Variants in POLA1 observed in about 807,000 individuals in gnomAD.
POLA1 encodes DNA polymerase alpha 1, catalytic subunit.
POLA1 carries 15 observed loss-of-function variants against 124.0 expected under a neutral mutation model. That is an observed-to-expected ratio of 0.12 (90% CI 0.08 to 0.19). The LOEUF is 0.19. Ranked by LOEUF, POLA1 falls within the 10% of genes least tolerant of loss-of-function variation. POLA1 has a pLI of 1.00. For synonymous variants in POLA1, 408 were observed against 389.4 expected (o/e 1.05, Z -0.56); for missense variants, 886 against 1,103.4 (o/e 0.80, Z 2.79).
intron 4 of POLA1, among the ~76,000 whole-genome samples, chrX:24,708,531 G>A (rs1249411526): frequency 1.5e-5 from 1 of 65,154 alleles, no homozygotes; most frequent in Admixed American, 1.9e-4. Context: ...AGGACCCTGC[G>A]GCCTTCCGCA....
intron 35 of POLA1, among the ~76,000 whole-genome samples, chrX:24,919,845 GTT>G (rs10573475): frequency 4.6e-4 from 16 of 34,783 alleles, no homozygotes; most frequent in African/African-American, 1.4e-3. Flanking sequence ...TTGTTTTTCT[GTT>G]TTTTTTTTTT....
intron 36 of POLA1, among the ~76,000 whole-genome samples, chrX:24,936,353 G>T (rs936950409): frequency 8.9e-6 from 1 of 111,927 alleles, no homozygotes; most frequent in Non-Finnish European, 1.9e-5. Flanking sequence ...GTGAAAGCAG[G>T]AAAGTTTCAT....
intron 36 of POLA1, among the ~76,000 whole-genome samples, chrX:24,946,873 T>C (rs907932804): frequency 1.8e-5 from 2 of 112,120 alleles, no homozygotes; most frequent in Non-Finnish European, 3.8e-5. Flanking sequence ...TTTCCTATTA[T>C]GTCCTTCAAC....
At chrX:24,708,372 C>CT (rs397799733) in intron 4 of POLA1, among the ~76,000 whole-genome samples, 35,410 of 79,841 alleles carry the variant, frequency 0.44, 7,534 homozygotes, top group East Asian at 0.64. Context: ...CATGAAAATA[C>CT]TTTTTTTTTT....
intron 17 of POLA1, among the ~76,000 whole-genome samples, chrX:24,735,034 A>T (rs1201621628): frequency 1.8e-5 from 2 of 112,338 alleles, no homozygotes; most frequent in East Asian, 5.5e-4. Context: ...AAATACATAA[A>T]CAGTGAAGTC....
intron 10 of POLA1, among the ~76,000 whole-genome samples, 181 bp from the exon 11 acceptor site, chrX:24,722,974 A>T (rs1307023073): frequency 8.9e-6 from 1 of 112,553 alleles, no homozygotes; most frequent in African/African-American, 3.2e-5. Flanking sequence ...TTAGTGTAGT[A>T]TGGCATCAGT....
chrX:24,870,396 G>A (rs1206526619), intron 34 of POLA1, among the ~76,000 whole-genome samples: 2 of 111,805 alleles, frequency 1.8e-5, no homozygotes, highest in Non-Finnish European at 3.8e-5. Flanking sequence ...ATCCTGTTAC[G>A]AGTGGCTTTC....
chrX:24,991,614 G>A (rs986173542), intron 36 of POLA1, among the ~76,000 whole-genome samples: 2 of 112,509 alleles, frequency 1.8e-5, no homozygotes, highest in Non-Finnish European at 3.8e-5. Flanking sequence ...GCAAGCCTGT[G>A]TTTATTGAAC....
intron 36 of POLA1, among the ~76,000 whole-genome samples, chrX:24,932,645 G>A (rs1464938362): frequency 9.0e-6 from 1 of 111,185 alleles, no homozygotes; most frequent in Non-Finnish European, 1.9e-5. Context: ...GTTATCGATG[G>A]GTTCTTTTAT....
intron 35 of POLA1, among the ~76,000 whole-genome samples, chrX:24,920,707 A>G (rs1393827658): frequency 8.9e-6 from 1 of 111,908 alleles, no homozygotes; most frequent in Non-Finnish European, 1.9e-5. Context: ...AAATGAGGAT[A>G]ATCAGAATAG....
chrX:24,778,246 A>AT (rs1382891720), intron 26 of POLA1, among the ~76,000 whole-genome samples: 22 of 108,186 alleles, frequency 2.0e-4, no homozygotes, highest in East Asian at 5.8e-4. Context: ...TTGCTACTTG[A>AT]TTTTTTTTTT....
At chrX:24,833,961 T>A (rs2046304616) in intron 32 of POLA1, among the ~76,000 whole-genome samples, 1 of 110,261 alleles carries the variant, frequency 9.1e-6, no homozygotes, top group Non-Finnish European at 1.9e-5. Flanking sequence ...GGTGCATGCC[T>A]GTAGTCCCAG....
chrX:24,906,113 A>G (rs764183791), intron 35 of POLA1, among the ~76,000 whole-genome samples: 2 of 112,157 alleles, frequency 1.8e-5, no homozygotes, highest in South Asian at 7.5e-4. Context: ...TCCTTAAAGA[A>G]CTAAAAGTAT....
chrX:24,892,148 A>ATC (rs1415770038), intron 35 of POLA1, among the ~76,000 whole-genome samples: 2 of 109,738 alleles, frequency 1.8e-5, no homozygotes, highest in Middle Eastern at 4.2e-3. Context: ...TTTCATTCAT[A>ATC]TATATATATA....
At position 24,930,639 on chromosome X, in the gene POLA1, C is replaced by T. The variant is rs767248908; in HGVS notation, c.4261+90C>T. ...CTACTGTGTCAGGCTGTTCATGCAG[C>T]ATCACATTGCTGTCTCAGAAGCAGG... is the stretch of plus-strand genomic sequence containing the variant. On this transcript the variant is annotated intron_variant, in intron 36 of 36. Coordinates refer to ENST00000379068, the MANE Select transcript of POLA1 (RefSeq NM_001330360.2). The T allele has an allele frequency of 1.3e-4, 73 of 583,585 alleles. No individual in the cohort carries two copies. In the South Asian group the frequency reaches 1.8e-3, roughly 14 times the overall value. The allele number at this position is 583,585 out of a possible 1,213,427, so 48.1% of individuals were successfully genotyped here.
At chrX:24,695,962 A>G (rs1927962024) in intron 1 of POLA1, among the ~76,000 whole-genome samples, 2 of 112,739 alleles carry the variant, frequency 1.8e-5, no homozygotes, top group South Asian at 7.2e-4. Flanking sequence ...ATATGCAGAA[A>G]ACGGCTTTGC....
chrX:24,833,267 G>A (rs2046294113), intron 32 of POLA1, among the ~76,000 whole-genome samples: 1 of 111,740 alleles, frequency 8.9e-6, no homozygotes, highest in Non-Finnish European at 1.9e-5. Context: ...ATTCCATGGT[G>A]TATATATATG....
At chrX:24,971,933 T>TTTTATTTTAA (rs2048307293) in intron 36 of POLA1, among the ~76,000 whole-genome samples, 2 of 79,960 alleles carry the variant, frequency 2.5e-5, no homozygotes, top group Admixed American at 2.6e-4. Flanking sequence ...ATGTGGAAGA[T>TTTTATTTTAA]TTTATTTTAT....
At chrX:24,927,576 A>C (rs746875330) in intron 35 of POLA1, among the ~76,000 whole-genome samples, 1 of 111,844 alleles carries the variant, frequency 8.9e-6, no homozygotes, top group Non-Finnish European at 1.9e-5. Flanking sequence ...ATTTCAGCTC[A>C]GTATTGTCCT....
Sources: allele counts gnomAD v4.1 joint callset (sites outside exome capture counted in the v4.1 genomes callset), GRCh38; gene constraint gnomAD v4.1.1; transcripts MANE v1.5; gene names NCBI Gene and HGNC (gene_info 2026-07-23, HGNC 2026-07-21).